ASAP1: variants seen among roughly 807,000 people sequenced by gnomAD.
ASAP1 encodes the protein arf-GAP with SH3 domain, ANK repeat and PH domain-containing protein 1.
In ASAP1, 43 loss-of-function variants were observed where a neutral mutation model predicts 145.2. The observed-to-expected ratio is 0.30, with a 90% CI of 0.23 to 0.38. ASAP1 has a LOEUF of 0.38. Ranked by LOEUF, ASAP1 falls within the 10% of genes least tolerant of loss-of-function variation. ASAP1 has a pLI of 1.00. For missense variants in ASAP1, 1,018 were observed against 1,355.3 expected, an observed-to-expected ratio of 0.75 and a Z score of 3.91; for synonymous variants, 546 against 515.5, an observed-to-expected ratio of 1.06 and a Z score of -0.80.
At chr8:130,309,238 AT>A (rs1051941197) in intron 3 of ASAP1, among the ~76,000 whole-genome samples, 4 of 152,200 alleles carry the variant, frequency 2.6e-5, no homozygotes, top group Admixed American at 2.6e-4. Flanking sequence ...TGGGAGTCAA[AT>A]GGTGGACACA....
chr8:130,281,029 GAGTACATATGTATATGTA>G (rs955620629), intron 3 of ASAP1, among the ~76,000 whole-genome samples: 3 of 152,098 alleles, frequency 2.0e-5, no homozygotes, highest in Non-Finnish European at 4.4e-5. Context: ...AATAGGTTTA[GAGTACATATGTATATGTA>G]CTCAAAAAAC....
In ASAP1 at chr8:130,391,564, CTT is replaced by C. The variant is rs533615147; in HGVS notation, c.59+10319_59+10320del. On this transcript the variant is annotated intron_variant, in intron 2 of 29. Coordinates refer to ENST00000518721, the MANE Select transcript of ASAP1 (RefSeq NM_018482.4). ...CTTTGAGAAAATAGCTTTGGAAAAA[CTT>C]TGGTTCTCAATCTATCCTGCTGCAC... Among the ~76,000 whole-genome samples the C allele has an allele frequency of 6.3e-3, 959 of 152,162 alleles. 17 individuals are homozygous for C. Among genetic ancestry groups the C allele is most frequent in the African/African-American group, 0.022 (924 of 41,492 alleles).
At chr8:130,369,297 C>T (rs545654172) in intron 2 of ASAP1, among the ~76,000 whole-genome samples, 9 of 152,148 alleles carry the variant, frequency 5.9e-5, no homozygotes, top group Non-Finnish European at 1.0e-4. Flanking sequence ...AAACCTTATA[C>T]ACATAGCCTG....
At chr8:130,323,195 G>T (rs1319603733) in intron 3 of ASAP1, among the ~76,000 whole-genome samples, 1 of 152,148 alleles carries the variant, frequency 6.6e-6, no homozygotes, top group Non-Finnish European at 1.5e-5. Context: ...CCATGTTCCT[G>T]GGGAGGACAA....
chr8:130,087,337 T>C (rs1031066487), intron 25 of ASAP1, among the ~76,000 whole-genome samples: 2 of 152,134 alleles, frequency 1.3e-5, no homozygotes, highest in Non-Finnish European at 1.5e-5. Flanking sequence ...CTGGCCAACA[T>C]GGTGAAACCC....
chr8:130,256,751 A>ATATATATATCCT lies in ASAP1; in HGVS notation c.187-19758_187-19757insAGGATATATATA, dbSNP rs1333146458. Among the ~76,000 whole-genome samples, 4 of 40,796 alleles carry ATATATATATCCT rather than the reference A, an allele frequency of 9.8e-5. No individual in the cohort carries two copies. In the East Asian group the frequency reaches 2.5e-3, roughly 25 times the overall value. 26.8% of individuals were successfully genotyped at this position (40,796 alleles called of 152,430 possible). A position where few individuals can be genotyped will look rare whatever the true frequency, so the allele number is the denominator to read the frequency against. ...AATATACACATTCTTATATATATAT[A>ATATATATATCCT]TATATATATATATATATATATATAT... On this transcript the variant is annotated intron_variant, in intron 3 of 29. Coordinates refer to ENST00000518721, the MANE Select transcript of ASAP1 (RefSeq NM_018482.4).
At chr8:130,248,494 T>C (rs1565133703) in intron 3 of ASAP1, among the ~76,000 whole-genome samples, 1 of 152,012 alleles carries the variant, frequency 6.6e-6, no homozygotes, top group Non-Finnish European at 1.5e-5. Context: ...CTGGGACCCA[T>C]CACACAGGGA....
At chr8:130,165,015 G>A (rs185595211) in intron 11 of ASAP1, among the ~76,000 whole-genome samples, 87 of 152,276 alleles carry the variant, frequency 5.7e-4, no homozygotes, top group Middle Eastern at 3.4e-3. Context: ...CATGAGAAAG[G>A]AACAGGCATG....
At chr8:130,190,089 G>A (rs569412097) in intron 5 of ASAP1, among the ~76,000 whole-genome samples, 1 of 152,282 alleles carries the variant, frequency 6.6e-6, no homozygotes, top group African/African-American at 2.4e-5. Context: ...CTCCTATTCT[G>A]TGGGTTGTCT....
chr8:130,240,561 G>A (rs1490713669), intron 3 of ASAP1, among the ~76,000 whole-genome samples: 1 of 152,096 alleles, frequency 6.6e-6, no homozygotes, highest in East Asian at 1.9e-4. Flanking sequence ...AGATAATATA[G>A]GCTATAAGAT....
intron 27 of ASAP1, among the ~76,000 whole-genome samples, chr8:130,072,826 C>CGTGT (rs1160417615): frequency 3.3e-3 from 46 of 13,788 alleles, no homozygotes; most frequent in East Asian, 0.024. Context: ...TGTGTGTGTG[C>CGTGT]GCGCGGGGGG....
chr8:130,107,520 ATGTATG>A (rs2097539322), intron 24 of ASAP1, among the ~76,000 whole-genome samples: 2 of 22,660 alleles, frequency 8.8e-5, no homozygotes, highest in African/African-American at 4.4e-4. Context: ...TAAAAAATGT[ATGTATG>A]TATGTATGTA....
chr8:130,221,209 G>C (rs1420299084), intron 4 of ASAP1, among the ~76,000 whole-genome samples: 9 of 152,024 alleles, frequency 5.9e-5, no homozygotes. Flanking sequence ...TCTCCAGCCT[G>C]GGTGACAGAG....
intron 28 of ASAP1, among the ~76,000 whole-genome samples, chr8:130,060,075 CAAAAAAAAAAAAAAAA>C (rs55875346): frequency 6.3e-5 from 6 of 95,916 alleles, no homozygotes; most frequent in East Asian, 7.1e-4. Context: ...GAGCCCTTCT[CAAAAAAAAAAAAAAAA>C]AAAAAAAAAA....
intron 2 of ASAP1, among the ~76,000 whole-genome samples, chr8:130,395,909 G>A (rs371024958): frequency 5.3e-5 from 8 of 152,190 alleles, no homozygotes; most frequent in South Asian, 2.1e-4. Context: ...TAGGTAATCC[G>A]CCCGCCTCCG....
chr8:130,068,204 C>A (rs918530570), intron 27 of ASAP1, among the ~76,000 whole-genome samples: 4 of 152,188 alleles, frequency 2.6e-5, no homozygotes, highest in African/African-American at 9.7e-5. Context: ...AATATTTAAT[C>A]CCTGGTTATT....
chr8:130,385,789 C>T (rs1399413166), intron 2 of ASAP1, among the ~76,000 whole-genome samples: 1 of 152,202 alleles, frequency 6.6e-6, no homozygotes, highest in African/African-American at 2.4e-5. Flanking sequence ...CATCCAGTTA[C>T]TTGGTTAGAG....
chr8:130,114,221 T>C (rs528713156), intron 23 of ASAP1, among the ~76,000 whole-genome samples: 10 of 152,318 alleles, frequency 6.6e-5, no homozygotes, highest in African/African-American at 2.4e-4. Context: ...GCGAACATCA[T>C]AGAGTATACT....
intron 13 of ASAP1, among the ~76,000 whole-genome samples, chr8:130,145,656 T>C (rs752277045): frequency 6.6e-6 from 1 of 152,172 alleles, no homozygotes; most frequent in Admixed American, 6.5e-5. Flanking sequence ...ACACAGCATT[T>C]ACTCATGCTG....
Sources: gnomAD v4.1 joint callset for allele counts (sites outside exome capture counted in the v4.1 genomes callset) on GRCh38, gnomAD v4.1.1 for gene constraint, MANE v1.5 for transcripts, NCBI Gene and HGNC (gene_info 2026-07-23, HGNC 2026-07-21) for gene names.